Variants in HIVEP3 observed in about 807,000 individuals in gnomAD.
The protein encoded by HIVEP3 is transcription factor HIVEP3.
Under a neutral mutation model 152.8 loss-of-function variants are expected in HIVEP3, and 49 were observed. The observed-to-expected ratio is 0.32, with a 90% confidence interval of 0.26 to 0.41. The LOEUF is 0.41. Among genes scored for constraint, HIVEP3 ranks in the 10% least tolerant of loss-of-function variants. HIVEP3 has a pLI of 1.00. For synonymous variants in HIVEP3, 1,269 were observed against 1,289.0 expected (o/e 0.98, Z 0.33); for missense variants, 2,790 against 3,103.3 (o/e 0.90, Z 2.40).
chr1:41,637,620 A>T (rs1482809533), intron 2 of HIVEP3, among the ~76,000 whole-genome samples: 2 of 152,232 alleles, frequency 1.3e-5, no homozygotes, highest in Non-Finnish European at 2.9e-5. Flanking sequence ...GTGAAAAGCA[A>T]AATCACAGAC....
intron 3 of HIVEP3, among the ~76,000 whole-genome samples, chr1:41,605,206 A>T (rs897509366): frequency 4.2e-5 from 6 of 144,324 alleles, no homozygotes; most frequent in African/African-American, 1.5e-4. Context: ...GGAAGGGAGG[A>T]AAGGAAGGAA....
intron 3 of HIVEP3, among the ~76,000 whole-genome samples, chr1:41,603,312 C>A (rs573813525): frequency 6.6e-6 from 1 of 151,414 alleles, no homozygotes; most frequent in Admixed American, 6.6e-5. Context: ...AGGTGATCCA[C>A]CCACCTCGGC....
chr1:41,611,527 C>T (rs1023081190), intron 3 of HIVEP3, among the ~76,000 whole-genome samples: 2 of 152,218 alleles, frequency 1.3e-5, no homozygotes, highest in African/African-American at 4.8e-5. Flanking sequence ...ACAAAGGCAC[C>T]GAAGGTTCCA....
At chr1:41,984,947 G>C (rs1645313463) in intron 1 of HIVEP3, among the ~76,000 whole-genome samples, 1 of 151,432 alleles carries the variant, frequency 6.6e-6, no homozygotes, top group African/African-American at 2.4e-5. Context: ...TGCTATGTAA[G>C]AAATAAACAA....
At chr1:41,916,616 T>C (rs1401816550) in intron 1 of HIVEP3, among the ~76,000 whole-genome samples, 2 of 152,120 alleles carry the variant, frequency 1.3e-5, no homozygotes, top group Non-Finnish European at 2.9e-5. Context: ...AATGCAACTA[T>C]GTAAAGGGCC....
At chr1:41,679,350 G>C (rs1646004288) in intron 2 of HIVEP3, among the ~76,000 whole-genome samples, 1 of 152,206 alleles carries the variant, frequency 6.6e-6, no homozygotes, top group African/African-American at 2.4e-5. Flanking sequence ...GCCTTGATTT[G>C]GGCCCATTTG....
At chr1:41,515,659 T>A (rs1642580726) in intron 7 of HIVEP3, among the ~76,000 whole-genome samples, 1 of 152,212 alleles carries the variant, frequency 6.6e-6, no homozygotes, top group Non-Finnish European at 1.5e-5. Flanking sequence ...TTAAAAATGA[T>A]GTGCTGCACT....
chr1:41,859,816 G>A (rs1447935282), intron 1 of HIVEP3, among the ~76,000 whole-genome samples: 1 of 152,100 alleles, frequency 6.6e-6, no homozygotes, highest in Non-Finnish European at 1.5e-5. Flanking sequence ...CATTTGCCTT[G>A]TTCCTCTTGC....
At chr1:41,892,500 A>G (rs72671281) in intron 1 of HIVEP3, among the ~76,000 whole-genome samples, 6,910 of 152,294 alleles carry the variant, frequency 0.045, 227 homozygotes, top group African/African-American at 0.084. Context: ...CAAAGAGAGC[A>G]CAGAGAAGGC....
At chr1:41,808,540 G>T (rs12749136) in intron 1 of HIVEP3, among the ~76,000 whole-genome samples, 390 of 152,338 alleles carry the variant, frequency 2.6e-3, no homozygotes, top group Non-Finnish European at 3.5e-3. Flanking sequence ...AAAAGGTGTT[G>T]TCATGGTGGC....
chr1:41,613,743 C>T (rs944725811), intron 3 of HIVEP3, among the ~76,000 whole-genome samples: 1 of 152,290 alleles, frequency 6.6e-6, no homozygotes, highest in East Asian at 1.9e-4. Context: ...GCAACCATCC[C>T]AATGATGTAA....
At chr1:41,671,595 C>A (rs1388741966) in intron 2 of HIVEP3, among the ~76,000 whole-genome samples, 1 of 152,198 alleles carries the variant, frequency 6.6e-6, no homozygotes, top group African/African-American at 2.4e-5. Flanking sequence ...TCTTGGAGTC[C>A]CACTCTGCCT....
chr1:41,863,930 T>C (rs1282308289), intron 1 of HIVEP3, among the ~76,000 whole-genome samples: 5 of 152,198 alleles, frequency 3.3e-5, no homozygotes, highest in African/African-American at 9.7e-5. Flanking sequence ...GCCGCAACTA[T>C]TGATAGAAGC....
In HIVEP3 at chr1:41,508,779, A is replaced by G; in HGVS notation, c.*1672T>C. 6.6e-6 allele frequency: 1 copy of G among 152,588 alleles called. No individual in the cohort carries two copies. The highest frequency in any genetic ancestry group is 1.5e-5 in the Non-Finnish European group (1 of 68,222). The allele number at this position is 152,588 out of a possible 1,614,324, so 9.5% of individuals were successfully genotyped here. On this transcript the variant is annotated 3_prime_UTR_variant, in exon 9 of 9. Coordinates refer to ENST00000372583, the MANE Select transcript of HIVEP3 (RefSeq NM_024503.5). ...TTCAATAGCTCAAGAGCCCTGGGGCAGGCACTTGATTCACACAGCCTGGCT... is the reference window on the plus strand; with the variant it reads ...TTCAATAGCTCAAGAGCCCTGGGGCGGGCACTTGATTCACACAGCCTGGCT...
chr1:41,690,833 G>A (rs376103476), intron 2 of HIVEP3, among the ~76,000 whole-genome samples: 12 of 152,150 alleles, frequency 7.9e-5, no homozygotes, highest in South Asian at 2.1e-4. Context: ...CAGGAGAATC[G>A]CTTGAACCCA....
rs140758528 is a variant in HIVEP3 at position 41,786,459 on chromosome 1, C to T, written c.-800-85464G>A. ...TTTACAGTCCATTACTGGTTGGCTG[C>T]CATTACTCTAGACTAAGAGTCTGCA... On this transcript the variant is annotated intron_variant, in intron 1 of 8. Transcript: ENST00000372583. 6.4e-3 allele frequency among the ~76,000 whole-genome samples: 975 copies of T among 152,336 alleles called. 13 individuals carry two copies. Among genetic ancestry groups the T allele is most frequent in the African/African-American group, 0.022 (918 of 41,570 alleles).
intron 3 of HIVEP3, among the ~76,000 whole-genome samples, chr1:41,592,602 G>A (rs1350323067): frequency 1.3e-5 from 2 of 152,174 alleles, no homozygotes; most frequent in Admixed American, 1.3e-4. Flanking sequence ...TGACTGAGAG[G>A]TGGACTGGCA....
chr1:41,545,833 T>C (rs1643791696), intron 5 of HIVEP3, among the ~76,000 whole-genome samples: 1 of 150,508 alleles, frequency 6.6e-6, no homozygotes, highest in South Asian at 2.1e-4. Flanking sequence ...ACTACCATCC[T>C]CAGCATTCAC....
chr1:41,710,436 G>A (rs1052713567), intron 1 of HIVEP3, among the ~76,000 whole-genome samples: 3 of 152,170 alleles, frequency 2.0e-5, no homozygotes, highest in African/African-American at 4.8e-5. Flanking sequence ...AAAAGGACAA[G>A]CACATGTGAA....
Sources: gnomAD v4.1 joint callset for allele counts (sites outside exome capture counted in the v4.1 genomes callset) on GRCh38, gnomAD v4.1.1 for gene constraint, MANE v1.5 for transcripts, NCBI Gene and HGNC (gene_info 2026-07-23, HGNC 2026-07-21) for gene names.